Variants in RYR1 observed in about 807,000 individuals in gnomAD.
The protein encoded by RYR1 is ryanodine receptor 1.
RYR1 carries 342 observed loss-of-function variants against 583.5 expected under a neutral mutation model. The ratio of observed to expected loss-of-function variants is 0.59; its 90% CI spans 0.54 to 0.64. The LOEUF is 0.64. RYR1 is among the 30% of genes least tolerant of loss of function. RYR1 has a pLI of 0.00. For synonymous variants in RYR1, 2,791 were observed against 2,822.5 expected, an observed-to-expected ratio of 0.99 and a Z score of 0.35; for missense variants, 6,032 against 6,917.2, an observed-to-expected ratio of 0.87 and a Z score of 4.54.
At chr19:38,575,307 C>T (rs1973906908) in intron 96 of RYR1, among the ~76,000 whole-genome samples, 1 of 152,124 alleles carries the variant, frequency 6.6e-6, no homozygotes, top group Admixed American at 6.6e-5. Flanking sequence ...AATTCTCTGC[C>T]TCATTTGGGG....
At chr19:38,494,321 T>C in intron 38 of RYR1, 31 bp from the exon 39 acceptor site, 1 of 1,610,858 alleles carries the variant, frequency 6.2e-7, no homozygotes. Flanking sequence ...CCCTGCATGG[T>C]GCTCCAAGCC....
At position 38,567,911 on chromosome 19, in the gene RYR1, G is replaced by T. The variant is rs1379549337; in HGVS notation, c.13653G>T (p.Lys4551Asn). The T allele has an allele frequency of 6.2e-7, 1 of 1,613,340 alleles. No homozygotes were observed. The highest frequency in any genetic ancestry group is 1.1e-5 in the South Asian group (1 of 91,042). The change falls in exon 93 of 106, where the codon AAG (lysine) becomes AAT (asparagine). Residue 4551 changes from lysine to asparagine, a missense_variant. Coordinates refer to ENST00000359596, the MANE Select transcript of RYR1 (RefSeq NM_000540.3). ...GAGAACTGGAGGTGCAGAGGGTGAA[G>T]TTCCTGGTAAGGATCCAGCCAGGTC... Reference protein sequence around the residue: ...FWGELEVQRVKFLNYLSRNFY... With the variant: ...FWGELEVQRVNFLNYLSRNFY...
chr19:38,502,772 G>A (rs1008226909), intron 48 of RYR1, 45 bp downstream of exon 48: 105 of 1,109,026 alleles, frequency 9.5e-5, no homozygotes, highest in Middle Eastern at 8.7e-4. Context: ...CAGGGGCAGG[G>A]GCAGGGGCAG....
intron 18 of RYR1, among the ~76,000 whole-genome samples, chr19:38,458,786 G>A (rs1460257783): frequency 6.6e-6 from 1 of 151,980 alleles, no homozygotes; most frequent in Non-Finnish European, 1.5e-5. Flanking sequence ...CACCACGCCC[G>A]GCTCATTTTT....
intron 37 of RYR1, 94 bp from the exon 38 acceptor site, chr19:38,492,396 G>T: frequency 2.4e-6 from 3 of 1,251,244 alleles, no homozygotes; most frequent in African/African-American, 1.5e-5. Context: ...AAAACTCCAT[G>T]CATGCATGCA....
intron 70 of RYR1, among the ~76,000 whole-genome samples, chr19:38,525,027 G>A (rs1352325681): frequency 1.3e-5 from 2 of 152,152 alleles, no homozygotes; most frequent in Non-Finnish European, 2.9e-5. Context: ...AGGATCACTT[G>A]AAGCCAAGAG....
chr19:38,586,773 C>A (rs1974510715), intron 105 of RYR1, among the ~76,000 whole-genome samples, 197 bp downstream of exon 105: 1 of 152,168 alleles, frequency 6.6e-6, no homozygotes, highest in Non-Finnish European at 1.5e-5. Flanking sequence ...GAGTTCAAGA[C>A]CAGCCTGGCC....
intron 105 of RYR1, 126 bp downstream of exon 105, chr19:38,586,702 G>C: frequency 6.4e-6 from 6 of 943,328 alleles, no homozygotes; most frequent in Non-Finnish European, 1.0e-5. Flanking sequence ...TGGGCACGGC[G>C]GCTCACGCCT....
chr19:38,501,242 G>A (rs1406544937), intron 47 of RYR1, among the ~76,000 whole-genome samples: 1 of 152,214 alleles, frequency 6.6e-6, no homozygotes, highest in African/African-American at 2.4e-5. Flanking sequence ...ACTCGCGCCT[G>A]TAATCCCAGC....
In RYR1 at chr19:38,586,183, C is replaced by T; in HGVS notation, c.14961C>T (p.Ala4987=). The change falls in exon 104 of 106, where the codon GCC becomes GCT. Residue 4987 remains alanine (A), a synonymous_variant. Transcript: ENST00000359596. ...ACACGCTGGAGGAGCACAACCTGGC[C>T]AATTACATGTGAGCAGACACACTGG... The part of the protein sequence containing the change: ...ETHTLEEHNL[A]NYMFFLMYLI... 6.2e-7 allele frequency: 1 copy of T among 1,613,534 alleles called. No homozygotes were observed. Among genetic ancestry groups the T allele is most frequent in the Non-Finnish European group, 8.5e-7 (1 of 1,179,884 alleles).
At position 38,543,479 on chromosome 19, in the gene RYR1, G is replaced by A. The variant is rs1478736801; in HGVS notation, c.11778+44G>A. ...TCAGGTGTGACTTGGGTCGGGGGCTGCAGGGCCATGGTCGGCCCCAGCACC... is the reference window on the plus strand; with the variant it reads ...TCAGGTGTGACTTGGGTCGGGGGCTACAGGGCCATGGTCGGCCCCAGCACC... On this transcript the variant is annotated intron_variant, in intron 85 of 105. Transcript: ENST00000359596. This position sits in a 1 kb window ranked among gnomAD's most constrained non-coding sequence, Gnocchi z 4.4. 1.2e-6 allele frequency: 2 copies of A among 1,614,192 alleles called. No homozygotes were observed. The highest frequency in any genetic ancestry group is 1.7e-6 in the Non-Finnish European group (2 of 1,180,022).
At chr19:38,504,173 C>A in intron 49 of RYR1, 47 bp from the exon 50 acceptor site, 1 of 1,576,732 alleles carries the variant, frequency 6.3e-7, no homozygotes, top group South Asian at 1.2e-5. Flanking sequence ...GCCTGCCATT[C>A]GCTGGTGCCC....
chr19:38,566,532 G>A (rs1973445094), intron 91 of RYR1, among the ~76,000 whole-genome samples: 1 of 151,060 alleles, frequency 6.6e-6, no homozygotes, highest in Non-Finnish European at 1.5e-5. Context: ...GGGCCACTAG[G>A]AAAAGACCCT....
rs1249635777 is a variant in RYR1 at position 38,464,707 on chromosome 19, C to T, written c.2855C>T (p.Thr952Ile). Reference protein sequence around the residue: ...DEKAEDNLKKTKLPKTYMMSN... With the variant: ...DEKAEDNLKKIKLPKTYMMSN... Reference sequence around the variant, plus strand: ...AAGGCGGAGGACAACCTGAAGAAGACAAAACTCCCCAAGACGTGAGTGTGG... The same window carrying T: ...AAGGCGGAGGACAACCTGAAGAAGATAAAACTCCCCAAGACGTGAGTGTGG... Residue 952 changes from threonine to isoleucine, a missense_variant, in exon 23 of 106, where the codon ACA (threonine) becomes ATA (isoleucine). Coordinates refer to ENST00000359596, the MANE Select transcript of RYR1 (RefSeq NM_000540.3). 1.3e-6 allele frequency: 2 copies of T among 1,586,078 alleles called. No homozygotes were observed. Among genetic ancestry groups the T allele is most frequent in the East Asian group, 2.3e-5 (1 of 43,724 alleles).
chr19:38,483,200 A>G lies in RYR1; in HGVS notation c.4707+87A>G. 6.3e-7 allele frequency: 1 copy of G among 1,590,902 alleles called. No homozygotes were observed. The highest frequency in any genetic ancestry group is 8.6e-7 in the Non-Finnish European group (1 of 1,161,044). On this transcript the variant is annotated intron_variant, in intron 32 of 105. Transcript: ENST00000359596. This position sits in a 1 kb window ranked among gnomAD's most constrained non-coding sequence, Gnocchi z 6.3. The stretch of plus-strand genomic sequence containing the variant: ...CAGGCGGGCAGAGCCACTGAAGGGG[A>G]GGGGGCAATCCAAGAGGTCTCCCTG...
chr19:38,584,885 T>C, intron 101 of RYR1, 58 bp from the exon 102 acceptor site: 2 of 1,607,034 alleles, frequency 1.2e-6, no homozygotes, highest in Non-Finnish European at 1.7e-6. Flanking sequence ...CCCGGGGCCT[T>C]GGCTGGTACT....
At chr19:38,464,792 G>A (rs1484300915) in intron 23 of RYR1, 70 bp downstream of exon 23, 2 of 1,405,920 alleles carry the variant, frequency 1.4e-6, no homozygotes, top group South Asian at 1.2e-5. Context: ...AAGGGCTGGG[G>A]AGGTCGAGGG....
intron 20 of RYR1, among the ~76,000 whole-genome samples, chr19:38,461,407 C>T (rs1448435674): frequency 6.6e-6 from 1 of 151,954 alleles, no homozygotes; most frequent in Non-Finnish European, 1.5e-5. Context: ...AGGATTCTGT[C>T]AGAGCAGAAT....
chr19:38,553,807 CAG>C (rs771888191), intron 89 of RYR1, among the ~76,000 whole-genome samples: 3 of 152,062 alleles, frequency 2.0e-5, no homozygotes, highest in Admixed American at 6.6e-5. Flanking sequence ...AAAATACAAA[CAG>C]ATATTTTTGT....
Sources: gnomAD v4.1 joint callset for allele counts (sites outside exome capture counted in the v4.1 genomes callset) on GRCh38, gnomAD v4.1.1 for gene constraint, Gnocchi (gnomAD v3.1) non-coding constraint, MANE v1.5 for transcripts, NCBI Gene and HGNC (gene_info 2026-07-23, HGNC 2026-07-21) for gene names.